Variants in BCAS3 observed in about 807,000 individuals in gnomAD.
BCAS3 encodes the protein BCAS4/BCAS3 fusion.
Under a neutral mutation model 116.1 loss-of-function variants are expected in BCAS3, and 53 were observed. That is an observed-to-expected ratio of 0.46 (90% CI 0.37 to 0.57). BCAS3 has a LOEUF of 0.57. BCAS3 is among the 20% of genes least tolerant of loss of function. The pLI is 0.00. For missense variants in BCAS3, 917 were observed against 1,165.4 expected (o/e 0.79, Z 3.10); for synonymous variants, 391 against 408.2 (o/e 0.96, Z 0.51).
intron 22 of BCAS3, among the ~76,000 whole-genome samples, chr17:61,129,465 G>C (rs558147914): frequency 7.2e-5 from 11 of 152,360 alleles, no homozygotes; most frequent in Admixed American, 5.9e-4. Context: ...ACTTTTGTAA[G>C]ATGGACGTTT....
At chr17:60,710,721 A>T (rs2643106) in intron 5 of BCAS3, among the ~76,000 whole-genome samples, 1 of 151,594 alleles carries the variant, frequency 6.6e-6, no homozygotes, top group East Asian at 1.9e-4. Context: ...GTGAGCCACC[A>T]TGCCTGGCCA....
intron 6 of BCAS3, among the ~76,000 whole-genome samples, chr17:60,762,159 C>T (rs1405277352): frequency 6.6e-6 from 1 of 152,150 alleles, no homozygotes; most frequent in Admixed American, 6.5e-5. Flanking sequence ...TGCCTGTTCA[C>T]TCTGATGGTA....
At chr17:60,870,159 A>G (rs1026568240) in intron 8 of BCAS3, among the ~76,000 whole-genome samples, 3 of 152,226 alleles carry the variant, frequency 2.0e-5, no homozygotes, top group Non-Finnish European at 4.4e-5. Flanking sequence ...GTACGTATCA[A>G]TAAATGGCAC....
intron 19 of BCAS3, chr17:61,070,004 C>G (rs1449074273): frequency 1.3e-6 from 2 of 1,593,652 alleles, no homozygotes; most frequent in Non-Finnish European, 1.7e-6. Flanking sequence ...ACGTCACCCA[C>G]CTTCCGGCAG....
intron 14 of BCAS3, among the ~76,000 whole-genome samples, chr17:60,957,089 GT>G (rs1441028404): frequency 5.3e-5 from 8 of 152,234 alleles, no homozygotes; most frequent in African/African-American, 1.7e-4. Flanking sequence ...AATAGTCCTT[GT>G]TTTCAACAGT....
At chr17:60,860,488 A>G (rs547637549) in intron 7 of BCAS3, among the ~76,000 whole-genome samples, 172 of 152,216 alleles carry the variant, frequency 1.1e-3, no homozygotes, top group African/African-American at 3.9e-3. Flanking sequence ...ATTAAGTACC[A>G]CTTGTCAATT....
intron 22 of BCAS3, among the ~76,000 whole-genome samples, chr17:61,212,044 G>A (rs1332580624): frequency 6.6e-6 from 1 of 152,186 alleles, no homozygotes; most frequent in Non-Finnish European, 1.5e-5. Context: ...GAGAAACAAA[G>A]CAGCTAATGT....
intron 13 of BCAS3, among the ~76,000 whole-genome samples, chr17:60,925,357 C>T (rs976537215): frequency 1.3e-5 from 2 of 152,164 alleles, no homozygotes; most frequent in African/African-American, 4.8e-5. Context: ...GCGTCTACAT[C>T]ATTTCATCCC....
chr17:60,976,020 C>CTTTTTTTTG (rs2062328030), intron 14 of BCAS3, among the ~76,000 whole-genome samples: 1 of 98,286 alleles, frequency 1.0e-5, no homozygotes, highest in Non-Finnish European at 1.8e-5. Context: ...TAGATTTTTG[C>CTTTTTTTTG]TTTTTTTTTT....
At position 61,227,898 on chromosome 17, in the gene BCAS3, T is replaced by C. The variant is rs1292417058; in HGVS notation, c.2426-140429T>C. ...CTAAAGGGAAGAATAGGTGATGCAG[T>C]GGGGTTGGCAGCACTTTTCCTATTA... On this transcript the variant is annotated intron_variant, in intron 22 of 23. Coordinates refer to ENST00000407086, the MANE Select transcript of BCAS3 (RefSeq NM_017679.5). The surrounding 1 kb of genome is among the most constrained non-coding windows in gnomAD (Gnocchi z 6.1). Among the ~76,000 whole-genome samples, 1 of 152,154 alleles carries C rather than the reference T, an allele frequency of 6.6e-6. No individual in the cohort carries two copies. The highest frequency in any genetic ancestry group is 1.5e-5 in the Non-Finnish European group (1 of 68,040).
chr17:61,135,043 G>C (rs1465860694), intron 22 of BCAS3, among the ~76,000 whole-genome samples: 1 of 152,090 alleles, frequency 6.6e-6, no homozygotes, highest in East Asian at 1.9e-4. Context: ...TTTAGAATCC[G>C]ACTTGAGATC....
intron 22 of BCAS3, among the ~76,000 whole-genome samples, chr17:61,255,624 G>A (rs2048721110): frequency 1.3e-5 from 2 of 152,140 alleles, no homozygotes; most frequent in Admixed American, 1.3e-4. Flanking sequence ...CTTTTGTCTG[G>A]GTAGTTGGCT....
chr17:60,841,526 C>T (rs1028777201), intron 7 of BCAS3, among the ~76,000 whole-genome samples: 1 of 150,288 alleles, frequency 6.7e-6, no homozygotes, highest in African/African-American at 2.5e-5. Context: ...ACTACAGGTG[C>T]CCGCCACCAC....
intron 6 of BCAS3, among the ~76,000 whole-genome samples, chr17:60,790,740 G>GT (rs541425777): frequency 0.016 from 1,947 of 118,906 alleles, 25 homozygotes; most frequent in East Asian, 0.035. Context: ...GTGTTTGTAG[G>GT]TTTTTTTTTT....
intron 19 of BCAS3, among the ~76,000 whole-genome samples, chr17:61,062,028 A>G (rs1361204713): frequency 6.6e-6 from 1 of 152,214 alleles, no homozygotes; most frequent in Non-Finnish European, 1.5e-5. Flanking sequence ...ACTATGCAAT[A>G]AGGTCAACTT....
intron 23 of BCAS3, among the ~76,000 whole-genome samples, chr17:61,370,418 C>T (rs777398931): frequency 6.6e-6 from 1 of 151,866 alleles, no homozygotes; most frequent in Non-Finnish European, 1.5e-5. Context: ...AAGGCGGAGT[C>T]TTGCTCTGTC....
chr17:61,155,279 C>G (rs1393867349), intron 22 of BCAS3, among the ~76,000 whole-genome samples: 1 of 151,972 alleles, frequency 6.6e-6, no homozygotes, highest in Non-Finnish European at 1.5e-5. Context: ...GAGACAAATA[C>G]TAGTGGGCCA....
chr17:60,741,328 A>T (rs1300392468), intron 5 of BCAS3, among the ~76,000 whole-genome samples: 1 of 152,222 alleles, frequency 6.6e-6, no homozygotes, highest in African/African-American at 2.4e-5. Flanking sequence ...AAATCAGTGT[A>T]TTTCAGCTTC....
intron 5 of BCAS3, among the ~76,000 whole-genome samples, chr17:60,717,508 G>T (rs2038767299): frequency 6.6e-6 from 1 of 152,084 alleles, no homozygotes; most frequent in African/African-American, 2.4e-5. Flanking sequence ...GAGCCACCAT[G>T]CCCGGCAGAA....
Sources: gnomAD v4.1 joint callset for allele counts (sites outside exome capture counted in the v4.1 genomes callset) on GRCh38, gnomAD v4.1.1 for gene constraint, Gnocchi (gnomAD v3.1) non-coding constraint, MANE v1.5 for transcripts, NCBI Gene and HGNC (gene_info 2026-07-23, HGNC 2026-07-21) for gene names.